The following CDC14B variants were observed in gnomAD, a reference collection of about 807,000 sequenced individuals.
CDC14B encodes the protein cell division cycle 14B, also known as dual specificity protein phosphatase CDC14B.
Under a neutral mutation model 64.2 loss-of-function variants are expected in CDC14B, and 22 were observed. The ratio of observed to expected loss-of-function variants is 0.34; its 90% CI spans 0.24 to 0.49. The LOEUF (loss-of-function observed/expected upper bound fraction) is 0.49. Among genes scored for constraint, CDC14B ranks in the 20% least tolerant of loss-of-function variants. The pLI, the probability that CDC14B is intolerant of heterozygous loss-of-function variation, is 0.99. For missense variants in CDC14B, 498 were observed against 629.9 expected (o/e 0.79, Z 2.24); for synonymous variants, 191 against 215.8 (o/e 0.89, Z 1.01).
At chr9:96,618,290 C>T (rs2119115426) in intron 1 of CDC14B, among the ~76,000 whole-genome samples, 1 of 152,356 alleles carries the variant, frequency 6.6e-6, no homozygotes, top group African/African-American at 2.4e-5. Context: ...TTCCCCGCCA[C>T]TGAAAACAGA....
chr9:96,579,049 T>A lies in CDC14B; in HGVS notation c.161-13566A>T, dbSNP rs140923974. Among the ~76,000 whole-genome samples the A allele has an allele frequency of 8.1e-3, 1,239 of 152,100 alleles. 7 individuals carry two copies. The highest frequency in any genetic ancestry group is 0.054 in the Middle Eastern group (16 of 294). On this transcript the variant is annotated intron_variant, in intron 1 of 13. Coordinates refer to ENST00000375241, the MANE Select transcript of CDC14B (RefSeq NM_033331.4). Reference sequence around the variant, plus strand: ...GCCAGGCTGGTCTCGAACTCTTGACTTCAGGTGATCCTCCCGCCTTGGCCT... The same window carrying A: ...GCCAGGCTGGTCTCGAACTCTTGACATCAGGTGATCCTCCCGCCTTGGCCT...
intron 1 of CDC14B, among the ~76,000 whole-genome samples, chr9:96,598,300 A>C (rs1377117389): frequency 6.6e-6 from 1 of 152,228 alleles, no homozygotes; most frequent in Non-Finnish European, 1.5e-5. Flanking sequence ...AAAATCTAAA[A>C]GTTTGGTAAC....
At chr9:96,568,366 C>G (rs1010860150) in intron 1 of CDC14B, among the ~76,000 whole-genome samples, 1 of 152,152 alleles carries the variant, frequency 6.6e-6, no homozygotes, top group Non-Finnish European at 1.5e-5. Flanking sequence ...AAGAGATAAA[C>G]TGGAAAAATA....
intron 12 of CDC14B, among the ~76,000 whole-genome samples, chr9:96,517,531 C>A (rs1177172694): frequency 2.8e-5 from 4 of 145,208 alleles, no homozygotes; most frequent in African/African-American, 1.0e-4. Flanking sequence ...AGGCACCACG[C>A]TACTCGGGAG....
chr9:96,521,037 A>C (rs1225311269), intron 12 of CDC14B, among the ~76,000 whole-genome samples: 3 of 152,144 alleles, frequency 2.0e-5, no homozygotes, highest in African/African-American at 7.2e-5. Flanking sequence ...TGGCATTTGG[A>C]GTTAAGTAAA....
intron 6 of CDC14B, among the ~76,000 whole-genome samples, chr9:96,540,521 T>TA (rs1839899547): frequency 1.3e-5 from 2 of 151,010 alleles, no homozygotes; most frequent in Non-Finnish European, 2.9e-5. Context: ...AATTTAATTT[T>TA]AAAAAAACCC....
intron 2 of CDC14B, among the ~76,000 whole-genome samples, chr9:96,565,187 T>C (rs1296473421): frequency 1.3e-5 from 2 of 151,928 alleles, no homozygotes; most frequent in African/African-American, 2.4e-5. Flanking sequence ...AGTGTAAATA[T>C]TAGACTAGCA....
intron 4 of CDC14B, among the ~76,000 whole-genome samples, chr9:96,556,072 T>C (rs1284607851): frequency 6.6e-6 from 1 of 152,198 alleles, no homozygotes; most frequent in Non-Finnish European, 1.5e-5. Context: ...GTGCTTCCTA[T>C]TTCTACTCTT....
Position 96,573,656 on chromosome 9 carries a change from G to T in CDC14B, c.161-8173C>A, listed in dbSNP as rs538796770. Among the ~76,000 whole-genome samples, 6 of 152,262 alleles carry T rather than the reference G, an allele frequency of 3.9e-5. No homozygotes were observed. The East Asian group carries it at 9.6e-4, about 24-fold the overall frequency. The stretch of plus-strand genomic sequence containing the variant: ...TTACATGCTAATAAAGGAATTAAAT[G>T]TAATAAATTTACATGTTACATGTAA... On this transcript the variant is annotated intron_variant, in intron 1 of 13. Transcript: ENST00000375241.
intron 1 of CDC14B, among the ~76,000 whole-genome samples, chr9:96,587,448 C>T (rs1317761910): frequency 6.6e-6 from 1 of 152,192 alleles, no homozygotes; most frequent in Non-Finnish European, 1.5e-5. Context: ...AAATAGTGTT[C>T]CTTCTGCCTT....
At chr9:96,582,249 T>C (rs1432902382) in intron 1 of CDC14B, among the ~76,000 whole-genome samples, 2 of 152,248 alleles carry the variant, frequency 1.3e-5, no homozygotes, top group African/African-American at 4.8e-5. Flanking sequence ...CAAAGACCTA[T>C]GCTAACATTC....
intron 1 of CDC14B, among the ~76,000 whole-genome samples, chr9:96,606,527 T>TTGTGTGTGTGTGTGTGTGTGTG (rs376059971): frequency 8.9e-6 from 1 of 112,854 alleles, no homozygotes; most frequent in African/African-American, 3.3e-5. Flanking sequence ...TACTAAAAGT[T>TTGTGTGTGTGTGTGTGTGTGTG]TGTGTGTGTG....
chr9:96,556,904 AC>A (rs1321717576), intron 4 of CDC14B, among the ~76,000 whole-genome samples: 3 of 152,174 alleles, frequency 2.0e-5, no homozygotes, highest in African/African-American at 7.2e-5. Flanking sequence ...CCAAGATCAC[AC>A]CGCCTATTAT....
chr9:96,541,832 T>C lies in CDC14B; in HGVS notation c.558A>G (p.Val186=). The change falls in exon 6 of 14, where the codon GTA becomes GTG. Residue 186 remains valine (V), a synonymous_variant. Transcript: ENST00000375241. ...YITLLDCFHA[V]KKAMQYGFLN... Reference sequence around the variant, plus strand: ...CATCCTACATGTCACTCACCTTCTTTACTGCATGAAAACAGTCAAGAAGTG... The same window carrying C: ...CATCCTACATGTCACTCACCTTCTTCACTGCATGAAAACAGTCAAGAAGTG... The C allele has an allele frequency of 6.2e-7, 1 of 1,603,190 alleles. No homozygotes were observed. Among genetic ancestry groups the C allele is most frequent in the Non-Finnish European group, 8.5e-7 (1 of 1,172,426 alleles).
At chr9:96,545,665 A>T (rs956514189) in intron 5 of CDC14B, among the ~76,000 whole-genome samples, 1 of 151,178 alleles carries the variant, frequency 6.6e-6, no homozygotes, top group South Asian at 2.1e-4. Flanking sequence ...CAAGTTAAAG[A>T]CATGTTGATT....
intron 11 of CDC14B, 100 bp downstream of exon 11, chr9:96,523,161 A>T (rs1837001728): frequency 1.0e-5 from 13 of 1,255,866 alleles, no homozygotes; most frequent in Non-Finnish European, 1.5e-5. Flanking sequence ...ATCATCCAAG[A>T]GCTGCTTTAT....
At chr9:96,618,554 G>A in intron 1 of CDC14B, 1 of 533,496 alleles carries the variant, frequency 1.9e-6, no homozygotes, top group Middle Eastern at 3.2e-4. Context: ...CTTGCCGGCT[G>A]GCTCGAATGC....
intron 1 of CDC14B, among the ~76,000 whole-genome samples, chr9:96,574,247 T>C (rs1844656202): frequency 1.3e-5 from 2 of 151,906 alleles, no homozygotes; most frequent in Non-Finnish European, 2.9e-5. Flanking sequence ...GGCACAGATA[T>C]AATAGGCAAA....
chr9:96,605,003 C>T (rs1164699126), intron 1 of CDC14B, among the ~76,000 whole-genome samples: 1 of 152,084 alleles, frequency 6.6e-6, no homozygotes, highest in Admixed American at 6.6e-5. Context: ...GTTTAGTACT[C>T]ACCTTTCCAC....
Sources: allele counts gnomAD v4.1 joint callset (sites outside exome capture counted in the v4.1 genomes callset), GRCh38; gene constraint gnomAD v4.1.1; transcripts MANE v1.5; gene names NCBI Gene and HGNC (gene_info 2026-07-23, HGNC 2026-07-21).